Variants in CYP2S1 observed in about 807,000 individuals in gnomAD.
CYP2S1 encodes the protein cytochrome P450 family 2 subfamily S member 1.
A neutral mutation model predicts 43.5 loss-of-function variants in CYP2S1; 32 were observed. That is an observed-to-expected ratio of 0.74 (90% CI 0.56 to 0.99). The LOEUF is 0.99. Ranked by LOEUF, CYP2S1 falls within the 50% of genes least tolerant of loss-of-function variation. The pLI is 0.00. For missense variants in CYP2S1, 575 were observed against 673.9 expected (o/e 0.85, Z 1.62); for synonymous variants, 283 against 302.9 (o/e 0.93, Z 0.68).
At chr19:41,202,328 T>C (rs536907761) in intron 6 of CYP2S1, among the ~76,000 whole-genome samples, 1 of 152,206 alleles carries the variant, frequency 6.6e-6, no homozygotes, top group African/African-American at 2.4e-5. Context: ...CTGTGGGCCA[T>C]GGGGACGGGC....
Position 41,198,115 on chromosome 19 carries a change from G to A in CYP2S1, c.493+187G>A, listed in dbSNP as rs2033438523. ...TCTGTCCCACTGTCTCTCCGAGGCT[G>A]TCATGACATCTCTCTGTGTGTCTCT... On this transcript the variant is annotated intron_variant, in intron 3 of 8. Transcript: ENST00000310054. The surrounding 1 kb of genome is among the most constrained non-coding windows in gnomAD (Gnocchi z 4.9). Among the ~76,000 whole-genome samples the A allele has an allele frequency of 6.6e-6, 1 of 152,094 alleles. No homozygotes were observed. Among genetic ancestry groups the A allele is most frequent in the Non-Finnish European group, 1.5e-5 (1 of 68,004 alleles).
intron 7 of CYP2S1, among the ~76,000 whole-genome samples, chr19:41,205,355 T>TC (rs1319854755): frequency 5.1e-5 from 5 of 98,360 alleles, no homozygotes; most frequent in South Asian, 2.8e-4. Context: ...TCTTTCTTTC[T>TC]TTCTTTCTTT....
At chr19:41,203,237 G>A (rs1174373257) in intron 6 of CYP2S1, among the ~76,000 whole-genome samples, 4 of 151,824 alleles carry the variant, frequency 2.6e-5, no homozygotes, top group African/African-American at 9.7e-5. Context: ...ATAATAAAAT[G>A]AAATAAAATA....
chr19:41,201,281 A>G lies in CYP2S1; in HGVS notation c.885A>G (p.Thr295=). ...TEFTNKNMLM[T]VIYLLFAGTM... The stretch of plus-strand genomic sequence containing the variant: ...TCACCAACAAGAACATGCTGATGAC[A>G]GTCATTTATTTGCTGTTTGCTGGGA... The change falls in exon 6 of 9, where the codon ACA becomes ACG. Residue 295 remains threonine (T), a synonymous_variant. Transcript: ENST00000310054. 1 of 1,614,164 alleles carries G rather than the reference A, an allele frequency of 6.2e-7. No individual in the cohort carries two copies. The highest frequency in any genetic ancestry group is 1.3e-5 in the African/African-American group (1 of 75,058).
At chr19:41,199,830 C>T (rs963936474) in intron 5 of CYP2S1, among the ~76,000 whole-genome samples, 7 of 151,714 alleles carry the variant, frequency 4.6e-5, no homozygotes, top group African/African-American at 9.7e-5. Context: ...ATTAGCCGGA[C>T]GTGGTGGCAC....
At chr19:41,201,853 A>G (rs770975798) in intron 6 of CYP2S1, among the ~76,000 whole-genome samples, 1 of 152,126 alleles carries the variant, frequency 6.6e-6, no homozygotes, top group African/African-American at 2.4e-5. Context: ...TATGAGGCAC[A>G]GTGAAAAACA....
At position 41,207,244 on chromosome 19, in the gene CYP2S1, G is replaced by T; in HGVS notation, c.*756G>T. ...ACATCTGGGTCTGCGATTATGCACA[G>T]AGACTTTGGACATACGAGGACCCTC... On this transcript the variant is annotated 3_prime_UTR_variant, in exon 9 of 9. Transcript: ENST00000310054. 1 of 235,852 alleles carries T rather than the reference G, an allele frequency of 4.2e-6. No homozygotes were observed. Among genetic ancestry groups the T allele is most frequent in the Non-Finnish European group, 8.5e-6 (1 of 118,098 alleles). The allele number at this position is 235,852 out of a possible 1,614,324, so 14.6% of individuals were successfully genotyped here. A position where few individuals can be genotyped will look rare whatever the true frequency, so the allele number is the denominator to read the frequency against.
At chr19:41,204,516 A>G (rs796116625) in intron 7 of CYP2S1, among the ~76,000 whole-genome samples, 21 of 149,698 alleles carry the variant, frequency 1.4e-4, no homozygotes, top group African/African-American at 4.9e-4. Context: ...TCCCTCCTCC[A>G]CCTTCACTGC....
At chr19:41,195,591 A>C (rs1322929369) in intron 2 of CYP2S1, among the ~76,000 whole-genome samples, 1 of 152,006 alleles carries the variant, frequency 6.6e-6, no homozygotes, top group East Asian at 1.9e-4. Flanking sequence ...AATTTAGAGG[A>C]GGTACCTGAC....
At position 41,198,551 on chromosome 19, in the gene CYP2S1, G is replaced by A. The variant is rs543776067; in HGVS notation, c.583G>A (p.Asp195Asn). The part of the protein sequence containing the change: ...LLFGLRFSYE[D>N]KEFQAVVRAA... ...CTTTGGCCTCCGCTTCTCCTATGAG[G>A]ATAAGGAGTTCCAGGCCGTGGTCCG... Residue 195 changes from aspartate to asparagine, a missense_variant, in exon 4 of 9, where the codon GAT becomes AAT. Transcript: ENST00000310054. The surrounding 1 kb of genome is among the most constrained non-coding windows in gnomAD (Gnocchi z 4.9). The A allele has an allele frequency of 1.9e-6, 3 of 1,614,188 alleles. No homozygotes were observed. The highest frequency in any genetic ancestry group is 1.3e-5 in the African/African-American group (1 of 75,050).
intron 2 of CYP2S1, among the ~76,000 whole-genome samples, chr19:41,197,426 C>T (rs1021818207): frequency 3.3e-5 from 5 of 151,908 alleles, no homozygotes; most frequent in South Asian, 2.1e-4. Flanking sequence ...ATCGGCCGGG[C>T]GCGGTGGCTC....
At position 41,206,039 on chromosome 19, in the gene CYP2S1, C is replaced by A; in HGVS notation, c.1246C>A (p.Arg416Ser). The change falls in exon 8 of 9, where the codon CGT becomes AGT. Residue 416 changes from arginine (R) to serine (S), a missense_variant. Physicochemically the swap from Arg to Ser is moderately radical, Grantham distance 110. Transcript: ENST00000310054. Reference protein sequence around the residue: ...FKHPEEFNPDRFLDADGRFRK... With the variant: ...FKHPEEFNPDSFLDADGRFRK... ...GCACCCAGAAGAGTTCAACCCAGAC[C>A]GTTTCCTGGATGCAGATGGACGGTT... is the stretch of plus-strand genomic sequence containing the variant. 6 of 1,614,108 alleles carry A rather than the reference C, an allele frequency of 3.7e-6. No homozygotes were observed. Among genetic ancestry groups the A allele is most frequent in the Non-Finnish European group, 3.4e-6 (4 of 1,180,032 alleles).
intron 5 of CYP2S1, among the ~76,000 whole-genome samples, chr19:41,200,574 G>T (rs767606658): frequency 6.6e-6 from 1 of 151,980 alleles, no homozygotes; most frequent in African/African-American, 2.4e-5. Context: ...GAGTTTCATC[G>T]TGTTAGCCAG....
intron 2 of CYP2S1, among the ~76,000 whole-genome samples, chr19:41,195,017 G>A (rs2033394039): frequency 6.6e-6 from 1 of 152,212 alleles, no homozygotes; most frequent in Non-Finnish European, 1.5e-5. Context: ...TTGGGAGGTT[G>A]AGGCAGGAGA....
Position 41,207,001 on chromosome 19 carries a change from C to A in CYP2S1, c.*513C>A. On this transcript the variant is annotated 3_prime_UTR_variant, in exon 9 of 9. Transcript: ENST00000310054. ...TCTATGGCCCCAACTCATGCTCCCT[C>A]TCTTGGCTACACCACTCTCCCAGCC... is the stretch of plus-strand genomic sequence containing the variant. 1 of 359,890 alleles carries A rather than the reference C, an allele frequency of 2.8e-6. No individual in the cohort carries two copies. The highest frequency in any genetic ancestry group is 2.1e-5 in the South Asian group (1 of 48,364). The allele number at this position is 359,890 out of a possible 1,614,324, so 22.3% of individuals were successfully genotyped here. A position where few individuals can be genotyped will look rare whatever the true frequency, so the allele number is the denominator to read the frequency against.
chr19:41,206,762 A>G lies in CYP2S1; in HGVS notation c.*274A>G, dbSNP rs1024276784. 1.5e-6 allele frequency: 1 copy of G among 671,210 alleles called. No homozygotes were observed. The highest frequency in any genetic ancestry group is 1.9e-5 in the Admixed American group (1 of 53,198). 41.6% of individuals were successfully genotyped at this position (671,210 alleles called of 1,614,324 possible). On this transcript the variant is annotated 3_prime_UTR_variant, in exon 9 of 9. Transcript: ENST00000310054. ...TAAATATAGTCCATCTGCAATCACA[A>G]GCACATAGCCAGGTAACCCACCAAC...
At chr19:41,195,670 A>G (rs2033403409) in intron 2 of CYP2S1, among the ~76,000 whole-genome samples, 1 of 152,120 alleles carries the variant, frequency 6.6e-6, no homozygotes, top group Non-Finnish European at 1.5e-5. Flanking sequence ...TGAGACTCAT[A>G]AGATGAGTGG....
Position 41,198,476 on chromosome 19 carries a change from C to T in CYP2S1, c.508C>T (p.Pro170Ser), listed in dbSNP as rs909573606. The change falls in exon 4 of 9, where the codon CCC becomes TCC. Residue 170 changes from proline (P) to serine (S), a missense_variant. Pro to Ser is a moderately conservative substitution (Grantham distance 74). Coordinates refer to ENST00000310054, the MANE Select transcript of CYP2S1 (RefSeq NM_030622.8). The surrounding 1 kb of genome is among the most constrained non-coding windows in gnomAD (Gnocchi z 4.9). Reference sequence around the variant, plus strand: ...ATTCCCCCCAGGACGCCCATTCGATCCCTCCCTGCTGCTGGCCCAGGCCAC... The same window carrying T: ...ATTCCCCCCAGGACGCCCATTCGATTCCTCCCTGCTGCTGGCCCAGGCCAC... The part of the protein sequence containing the change: ...FQGTEGRPFD[P>S]SLLLAQATSN... 6.2e-7 allele frequency: 1 copy of T among 1,613,944 alleles called. No individual in the cohort carries two copies. Among genetic ancestry groups the T allele is most frequent in the African/African-American group, 1.3e-5 (1 of 74,932 alleles).
chr19:41,198,311 CTG>C lies in CYP2S1; in HGVS notation c.494-149_494-148del. On this transcript the variant is annotated intron_variant, in intron 3 of 8. Coordinates refer to ENST00000310054, the MANE Select transcript of CYP2S1 (RefSeq NM_030622.8). The surrounding 1 kb of genome is among the most constrained non-coding windows in gnomAD (Gnocchi z 4.9). ...TGTCTGTTTCTCTGTCCCTATCTGT[CTG>C]TATCCTTCTTTGCCTGTTTAGCTCT... 1 of 980,772 alleles carries C rather than the reference CTG, an allele frequency of 1.0e-6. No homozygotes were observed. The allele number at this position is 980,772 out of a possible 1,614,324, so 60.8% of individuals were successfully genotyped here.
Sources: allele counts gnomAD v4.1 joint callset (sites outside exome capture counted in the v4.1 genomes callset), GRCh38; gene constraint gnomAD v4.1.1; non-coding constraint Gnocchi (gnomAD v3.1); transcripts MANE v1.5; gene names NCBI Gene and HGNC (gene_info 2026-07-23, HGNC 2026-07-21).